The following ZNF804B variants were observed in gnomAD, a reference collection of about 807,000 sequenced individuals.
ZNF804B encodes zinc finger 804B.
ZNF804B carries 80 observed loss-of-function variants against 101.4 expected under a neutral mutation model. The ratio of observed to expected loss-of-function variants is 0.79; its 90% CI spans 0.66 to 0.95. The LOEUF is 0.95. Ranked by LOEUF, ZNF804B falls within the 40% of genes least tolerant of loss-of-function variation. The pLI is 0.00. For synonymous variants in ZNF804B, 622 were observed against 558.8 expected, an observed-to-expected ratio of 1.11 and a Z score of -1.59; for missense variants, 1,673 against 1,561.9, an observed-to-expected ratio of 1.07 and a Z score of -1.20.
intron 1 of ZNF804B, among the ~76,000 whole-genome samples, chr7:89,164,719 T>G (rs1176040853): frequency 6.6e-6 from 1 of 152,076 alleles, no homozygotes. Context: ...TTTCTAAAAT[T>G]TCTTCTTTCA....
intron 2 of ZNF804B, among the ~76,000 whole-genome samples, chr7:89,301,157 A>G (rs2115921985): frequency 6.8e-6 from 1 of 146,238 alleles, no homozygotes; most frequent in East Asian, 2.0e-4. Context: ...AACAGTAACA[A>G]TGCATCAACA....
intron 1 of ZNF804B, among the ~76,000 whole-genome samples, chr7:89,017,580 A>C (rs961290639): frequency 6.6e-6 from 1 of 152,050 alleles, no homozygotes; most frequent in African/African-American, 2.4e-5. Flanking sequence ...TTTAATAGAG[A>C]TTAGATTGAA....
intron 2 of ZNF804B, among the ~76,000 whole-genome samples, chr7:89,227,737 GC>G (rs368071758): frequency 4.9e-4 from 74 of 152,176 alleles, no homozygotes; most frequent in African/African-American, 1.7e-3. Context: ...CAGAGGGAAT[GC>G]CAAATGGAAA....
intron 1 of ZNF804B, among the ~76,000 whole-genome samples, chr7:89,016,185 T>C (rs1788553361): frequency 2.0e-5 from 3 of 152,086 alleles, no homozygotes; most frequent in Admixed American, 2.0e-4. Flanking sequence ...GATGGGGTTG[T>C]TTGTTTTTTT....
At chr7:89,210,467 C>G (rs920008085) in intron 1 of ZNF804B, among the ~76,000 whole-genome samples, 4 of 152,128 alleles carry the variant, frequency 2.6e-5, no homozygotes, top group Non-Finnish European at 5.9e-5. Context: ...CAGCATACAT[C>G]AGCTGTTTAT....
intron 1 of ZNF804B, among the ~76,000 whole-genome samples, chr7:88,980,693 A>G (rs1347077873): frequency 1.3e-5 from 2 of 151,952 alleles, no homozygotes; most frequent in African/African-American, 4.8e-5. Flanking sequence ...GCTGAACTCC[A>G]TGAAGCTGGG....
chr7:88,897,056 A>G (rs1419683044), intron 1 of ZNF804B, among the ~76,000 whole-genome samples: 1 of 152,166 alleles, frequency 6.6e-6, no homozygotes, highest in Non-Finnish European at 1.5e-5. Flanking sequence ...CCTGTTGTTG[A>G]TATTATTACT....
intron 1 of ZNF804B, among the ~76,000 whole-genome samples, chr7:89,074,756 A>G (rs951905530): frequency 2.0e-5 from 3 of 152,182 alleles, no homozygotes; most frequent in African/African-American, 7.2e-5. Flanking sequence ...TTTGGAGGGC[A>G]CAGAAGAAGA....
intron 1 of ZNF804B, among the ~76,000 whole-genome samples, chr7:88,829,549 T>A (rs557639540): frequency 2.0e-5 from 3 of 152,190 alleles, no homozygotes; most frequent in Admixed American, 2.0e-4. Flanking sequence ...GTAAATAAAT[T>A]AAAAATTTTA....
At chr7:89,257,494 T>A (rs1789651594) in intron 2 of ZNF804B, among the ~76,000 whole-genome samples, 2 of 152,174 alleles carry the variant, frequency 1.3e-5, no homozygotes, top group Admixed American at 1.3e-4. Context: ...TATTACATAA[T>A]GTTTACATGA....
chr7:89,012,700 T>G (rs1169174575), intron 1 of ZNF804B, among the ~76,000 whole-genome samples: 2 of 152,306 alleles, frequency 1.3e-5, no homozygotes, highest in African/African-American at 4.8e-5. Context: ...AGTTCCAAAC[T>G]TTCCCATATT....
chr7:89,274,152 A>C (rs1789940509), intron 2 of ZNF804B, among the ~76,000 whole-genome samples: 1 of 132,788 alleles, frequency 7.5e-6, no homozygotes. Context: ...ATTTTATTTT[A>C]TTTTCTTTTT....
chr7:88,761,430 A>G lies in ZNF804B; in HGVS notation c.108+1346A>G, dbSNP rs148072988. On this transcript the variant is annotated intron_variant, in intron 1 of 3. Transcript: ENST00000333190. ...AGAGTTCTAGTTTAATAAAGCCCAC[A>G]TTCAGTCCCTCTAAGTAGCAGGTCT... 1.9e-3 allele frequency among the ~76,000 whole-genome samples: 294 copies of G among 152,302 alleles called. 1 individual carries two copies. The highest frequency in any genetic ancestry group is 6.8e-3 in the African/African-American group (282 of 41,566).
chr7:89,276,538 A>G (rs2115853600), intron 2 of ZNF804B, among the ~76,000 whole-genome samples: 1 of 152,022 alleles, frequency 6.6e-6, no homozygotes, highest in African/African-American at 2.4e-5. Context: ...TGGACTTCTG[A>G]GATAAATTAT....
At chr7:89,164,874 A>G (rs1791118070) in intron 1 of ZNF804B, among the ~76,000 whole-genome samples, 1 of 152,090 alleles carries the variant, frequency 6.6e-6, no homozygotes, top group Non-Finnish European at 1.5e-5. Flanking sequence ...TAATAATAGC[A>G]CAAATGTATT....
At chr7:89,225,246 C>T (rs1789071019) in intron 2 of ZNF804B, among the ~76,000 whole-genome samples, 1 of 152,156 alleles carries the variant, frequency 6.6e-6, no homozygotes, top group African/African-American at 2.4e-5. Flanking sequence ...ACTTTGTGAG[C>T]TGGTTGTTTA....
At chr7:88,820,485 C>T (rs1790959766) in intron 1 of ZNF804B, among the ~76,000 whole-genome samples, 1 of 152,128 alleles carries the variant, frequency 6.6e-6, no homozygotes. Context: ...CCATGAGCCT[C>T]CCTTTCTCAT....
chr7:88,987,930 T>C (rs1261865078), intron 1 of ZNF804B, among the ~76,000 whole-genome samples: 1 of 152,044 alleles, frequency 6.6e-6, no homozygotes, highest in Non-Finnish European at 1.5e-5. Context: ...TCCCAGCCTC[T>C]GGTAACCATT....
At chr7:89,236,939 T>C (rs1216042417) in intron 2 of ZNF804B, among the ~76,000 whole-genome samples, 2 of 152,116 alleles carry the variant, frequency 1.3e-5, no homozygotes, top group Non-Finnish European at 2.9e-5. Context: ...ATTAATACAT[T>C]GCTAATGACA....
Sources: allele counts gnomAD v4.1 joint callset (sites outside exome capture counted in the v4.1 genomes callset), GRCh38; gene constraint gnomAD v4.1.1; transcripts MANE v1.5; gene names NCBI Gene and HGNC (gene_info 2026-07-23, HGNC 2026-07-21).